Variants in RPL37 observed in about 807,000 individuals in gnomAD.
The protein encoded by RPL37 is large ribosomal subunit protein eL37.
In RPL37, 1 loss-of-function variant was observed where a neutral mutation model predicts 14.8. The ratio of observed to expected loss-of-function variants is 0.07; its 90% CI spans 0.02 to 0.32. The LOEUF (loss-of-function observed/expected upper bound fraction) is 0.32. Ranked by LOEUF, RPL37 falls within the 10% of genes least tolerant of loss-of-function variation. RPL37 has a pLI of 1.00. For synonymous variants in RPL37, 53 were observed against 45.8 expected (o/e 1.16, Z -0.63); for missense variants, 100 against 128.3 (o/e 0.78, Z 1.06).
At chr5:40,834,289 T>C in intron 2 of RPL37, 24 bp from the exon 3 acceptor site, 1 of 1,607,672 alleles carries the variant, frequency 6.2e-7, no homozygotes, top group East Asian at 2.2e-5. Flanking sequence ...TCAGAAAAGA[T>C]TTCAAACGGT....
intron 3 of RPL37, 196 bp from the exon 4 acceptor site, chr5:40,832,769 T>C (rs1745671099): frequency 1.4e-6 from 1 of 701,138 alleles, no homozygotes; most frequent in Admixed American, 1.8e-5. Context: ...ATACCCATTT[T>C]CGGATATAGT....
At chr5:40,834,360 T>C in intron 2 of RPL37, 95 bp from the exon 3 acceptor site, 6 of 1,567,348 alleles carry the variant, frequency 3.8e-6, no homozygotes, top group Admixed American at 1.7e-5. Flanking sequence ...CTCATCGGCA[T>C]ACAGATGTAC....
rs1202313545 is a variant in RPL37 at position 40,826,294 on chromosome 5, C to G, written c.*6210G>C. On this transcript the variant is annotated 3_prime_UTR_variant, in exon 4 of 4. Transcript: ENST00000274242. ...CTATCAAAAGTCTCACACACACACA[C>G]AACCCAAAGAAAACATATCCAAGAA... 1 of 152,108 alleles carries G rather than the reference C, an allele frequency of 6.6e-6. No homozygotes were observed. The highest frequency in any genetic ancestry group is 1.5e-5 in the Non-Finnish European group (1 of 68,016). The allele number at this position is 152,108 out of a possible 1,614,324, so 9.4% of individuals were successfully genotyped here. A position where few individuals can be genotyped will look rare whatever the true frequency, so the allele number is the denominator to read the frequency against.
At position 40,826,106 on chromosome 5, in the gene RPL37, C is replaced by T. The variant is rs550454077; in HGVS notation, c.*6398G>A. ...TGTCTTTTTAAAAAATAACTTTCCT[C>T]CAAATAACTTACTAATTTTATTCAT... On this transcript the variant is annotated 3_prime_UTR_variant, in exon 4 of 4. Transcript: ENST00000274242. The T allele has an allele frequency of 1.3e-5, 2 of 152,342 alleles. No individual in the cohort carries two copies. Among genetic ancestry groups the T allele is most frequent in the East Asian group, 3.8e-4 (2 of 5,196 alleles). The allele number at this position is 152,342 out of a possible 1,614,324, so 9.4% of individuals were successfully genotyped here. A position where few individuals can be genotyped will look rare whatever the true frequency, so the allele number is the denominator to read the frequency against.
In RPL37 at chr5:40,828,887, G is replaced by T. The variant is rs958260313; in HGVS notation, c.*3617C>A. 2 of 152,116 alleles carry T rather than the reference G, an allele frequency of 1.3e-5. No individual in the cohort carries two copies. The highest frequency in any genetic ancestry group is 4.8e-5 in the African/African-American group (2 of 41,402). The allele number at this position is 152,116 out of a possible 1,614,324, so 9.4% of individuals were successfully genotyped here. A position where few individuals can be genotyped will look rare whatever the true frequency, so the allele number is the denominator to read the frequency against. ...ACCATACATAAATATGTCAACAAATGAACTTCTCCCTCTCTCCACTTCTGT... is the reference window on the plus strand; with the variant it reads ...ACCATACATAAATATGTCAACAAATTAACTTCTCCCTCTCTCCACTTCTGT... On this transcript the variant is annotated 3_prime_UTR_variant, in exon 4 of 4. Transcript: ENST00000274242.
rs115426620 is a variant in RPL37, at chr5:40,832,152, A to T, written c.*352T>A. 20 of 253,194 alleles carry T rather than the reference A, an allele frequency of 7.9e-5. No individual in the cohort carries two copies. The East Asian group carries it at 1.5e-3, about 19-fold the overall frequency. The allele number at this position is 253,194 out of a possible 1,614,324, so 15.7% of individuals were successfully genotyped here. On this transcript the variant is annotated 3_prime_UTR_variant, in exon 4 of 4. Transcript: ENST00000274242. ...AGCAGATGAACATGTTGCTAAAGGT[A>T]ATTTAAACATCATACTCTTTCAAAT...
chr5:40,828,991 T>C lies in RPL37; in HGVS notation c.*3513A>G, dbSNP rs1415035159. On this transcript the variant is annotated 3_prime_UTR_variant, in exon 4 of 4. Coordinates refer to ENST00000274242, the MANE Select transcript of RPL37 (RefSeq NM_000997.5). The stretch of plus-strand genomic sequence containing the variant: ...TTTTTGGAGTCTGTAAATTCACAAA[T>C]GGTTTCCACCAATACTAAGTCAAGG... 1 of 152,216 alleles carries C rather than the reference T, an allele frequency of 6.6e-6. No homozygotes were observed. Among genetic ancestry groups the C allele is most frequent in the Non-Finnish European group, 1.5e-5 (1 of 68,030 alleles). 9.4% of individuals were successfully genotyped at this position (152,216 alleles called of 1,614,324 possible). A position where few individuals can be genotyped will look rare whatever the true frequency, so the allele number is the denominator to read the frequency against.
In RPL37 at chr5:40,825,829, C is replaced by G. The variant is rs142097990; in HGVS notation, c.*6675G>C. The G allele has an allele frequency of 3.9e-5, 6 of 152,296 alleles. No homozygotes were observed. The highest frequency in any genetic ancestry group is 7.3e-5 in the Non-Finnish European group (5 of 68,138). The allele number at this position is 152,296 out of a possible 1,614,324, so 9.4% of individuals were successfully genotyped here. A position where few individuals can be genotyped will look rare whatever the true frequency, so the allele number is the denominator to read the frequency against. On this transcript the variant is annotated 3_prime_UTR_variant, in exon 4 of 4. Transcript: ENST00000274242. ...CAGGTGATCCTCCTGCCTCAGCCTT[C>G]GGAGTAGCTGGGATTACAGGTGTGT...
rs1174797014 is a variant in RPL37, at chr5:40,828,167, A to G, written c.*4337T>C. On this transcript the variant is annotated 3_prime_UTR_variant, in exon 4 of 4. Transcript: ENST00000274242. ...CCCAAAACTCAAAAAGGGCTGAATG[A>G]TAAGTCATTCAGGTAAAGACAAAAG... 6.6e-6 allele frequency: 1 copy of G among 152,226 alleles called. No individual in the cohort carries two copies. Among genetic ancestry groups the G allele is most frequent in the South Asian group, 2.1e-4 (1 of 4,832 alleles). The allele number at this position is 152,226 out of a possible 1,614,324, so 9.4% of individuals were successfully genotyped here.
At position 40,834,238 on chromosome 5, in the gene RPL37, C is replaced by G; in HGVS notation, c.167G>C (p.Arg56Pro). The G allele has an allele frequency of 6.2e-7, 1 of 1,614,080 alleles. No individual in the cohort carries two copies. The change falls in exon 3 of 4, where the codon CGA (arginine) becomes CCA (proline). Residue 56 changes from arginine to proline, a missense_variant. Physicochemically the swap from Arg to Pro is moderately radical, Grantham distance 103. This residue lies in a region of RPL37 where 74 missense variants were observed against 69.9 expected (regional missense o/e 1.06). Transcript: ENST00000274242. ...CATTCGACCAGTTCCGGTGGTATTTCGTCTTTTAGCCTTGGCACTCCAGTT... is the reference window on the plus strand; with the variant it reads ...CATTCGACCAGTTCCGGTGGTATTTGGTCTTTTAGCCTTGGCACTCCAGTT... ...KYNWSAKAKR[R>P]NTTGTGRMRH...
chr5:40,828,959 CTTTTTG>C lies in RPL37; in HGVS notation c.*3539_*3544del, dbSNP rs962884104. Reference sequence around the variant, plus strand: ...ATCTTACTTTGAGACTCTAAATTATCTTTTTGTTTTTGGAGTCTGTAAATTCACAAA... The same window carrying C: ...ATCTTACTTTGAGACTCTAAATTATCTTTTTGGAGTCTGTAAATTCACAAA... On this transcript the variant is annotated 3_prime_UTR_variant, in exon 4 of 4. Coordinates refer to ENST00000274242, the MANE Select transcript of RPL37 (RefSeq NM_000997.5). The C allele has an allele frequency of 1.2e-4, 19 of 152,320 alleles. No homozygotes were observed. The highest frequency in any genetic ancestry group is 4.3e-4 in the African/African-American group (18 of 41,580). 9.4% of individuals were successfully genotyped at this position (152,320 alleles called of 1,614,324 possible).
chr5:40,834,105 T>C, intron 3 of RPL37, 76 bp downstream of exon 3: 2 of 1,030,966 alleles, frequency 1.9e-6, no homozygotes, highest in South Asian at 2.5e-5. Context: ...CAGGGTACTG[T>C]TATCTTTTTA....
chr5:40,833,337 T>G (rs1186681096), intron 3 of RPL37, among the ~76,000 whole-genome samples: 1 of 152,214 alleles, frequency 6.6e-6, no homozygotes, highest in Admixed American at 6.5e-5. Context: ...TATCAATAGC[T>G]GAGAATTGCT....
In RPL37 at chr5:40,834,652, G is replaced by A. The variant is rs1214258656; in HGVS notation, c.4-46C>T. On this transcript the variant is annotated intron_variant, in intron 1 of 3. Coordinates refer to ENST00000274242, the MANE Select transcript of RPL37 (RefSeq NM_000997.5). ...TAGTTCTGAAACCTGGCAACTTCTA[G>A]ATTTACTCGAGTTCTCCGGGAAACC... 6 of 1,548,350 alleles carry A rather than the reference G, an allele frequency of 3.9e-6. 1 individual carries two copies. The South Asian group carries it at 6.0e-5, about 16-fold the overall frequency.
rs1306040595 is a variant in RPL37 at position 40,831,009 on chromosome 5, G to A, written c.*1495C>T. The stretch of plus-strand genomic sequence containing the variant: ...CGCCTGTAATCCTAGCACTTTGGGA[G>A]GCCGAGGCGGCGGATCACGAGGTCG... On this transcript the variant is annotated 3_prime_UTR_variant, in exon 4 of 4. Coordinates refer to ENST00000274242, the MANE Select transcript of RPL37 (RefSeq NM_000997.5). The A allele has an allele frequency of 2.0e-5, 3 of 151,896 alleles. No individual in the cohort carries two copies. Among genetic ancestry groups the A allele is most frequent in the Admixed American group, 1.3e-4 (2 of 15,252 alleles). 9.4% of individuals were successfully genotyped at this position (151,896 alleles called of 1,614,324 possible).
At position 40,825,643 on chromosome 5, in the gene RPL37, A is replaced by C. The variant is rs1745499142; in HGVS notation, c.*6861T>G. 6.6e-6 allele frequency: 1 copy of C among 152,252 alleles called. No homozygotes were observed. Among genetic ancestry groups the C allele is most frequent in the African/African-American group, 2.4e-5 (1 of 41,458 alleles). The allele number at this position is 152,252 out of a possible 1,614,324, so 9.4% of individuals were successfully genotyped here. On this transcript the variant is annotated 3_prime_UTR_variant, in exon 4 of 4. Coordinates refer to ENST00000274242, the MANE Select transcript of RPL37 (RefSeq NM_000997.5). ...CTGACGTAGCTGAGCCATACACTAC[A>C]TTGCCTTAGTCCTGTTCACCCTTTG...
In RPL37 at chr5:40,829,662, T is replaced by A. The variant is rs1387533860; in HGVS notation, c.*2842A>T. ...AAACTCATGCATTTATCCATCATAG[T>A]GTGTGTGTGTGTGTGTATATATATA... On this transcript the variant is annotated 3_prime_UTR_variant, in exon 4 of 4. Coordinates refer to ENST00000274242, the MANE Select transcript of RPL37 (RefSeq NM_000997.5). 4.2e-5 allele frequency: 1 copy of A among 23,984 alleles called. No individual in the cohort carries two copies. The highest frequency in any genetic ancestry group is 5.8e-4 in the Admixed American group (1 of 1,732). 1.5% of individuals were successfully genotyped at this position (23,984 alleles called of 1,614,324 possible). A position where few individuals can be genotyped will look rare whatever the true frequency, so the allele number is the denominator to read the frequency against.
rs923435791 is a variant in RPL37, at chr5:40,828,287, T to C, written c.*4217A>G. 6.6e-6 allele frequency: 1 copy of C among 152,228 alleles called. No individual in the cohort carries two copies. The highest frequency in any genetic ancestry group is 1.5e-5 in the Non-Finnish European group (1 of 68,052). 9.4% of individuals were successfully genotyped at this position (152,228 alleles called of 1,614,324 possible). On this transcript the variant is annotated 3_prime_UTR_variant, in exon 4 of 4. Transcript: ENST00000274242. ...GTGGTATCCTTGTCTTACACACTTA[T>C]CACTATCTGCAATTGTCTATTATGT...
intron 3 of RPL37, among the ~76,000 whole-genome samples, chr5:40,833,415 C>T (rs1043964654): frequency 6.6e-6 from 1 of 152,168 alleles, no homozygotes; most frequent in African/African-American, 2.4e-5. Context: ...TGAATCTTAG[C>T]TGAGATCTTA....
Sources: allele counts gnomAD v4.1 joint callset (sites outside exome capture counted in the v4.1 genomes callset), GRCh38; gene constraint gnomAD v4.1.1; regional missense constraint gnomAD v4.1.1; transcripts MANE v1.5; gene names NCBI Gene and HGNC (gene_info 2026-07-23, HGNC 2026-07-21).